Variants in TMEM120A observed in about 807,000 individuals in gnomAD.
TMEM120A encodes ion channel TACAN.
TMEM120A carries 45 observed loss-of-function variants against 54.3 expected under a neutral mutation model. The ratio of observed to expected loss-of-function variants is 0.83; its 90% CI spans 0.65 to 1.06. The LOEUF (loss-of-function observed/expected upper bound fraction) is 1.06. TMEM120A is among the 50% of genes least tolerant of loss of function. The pLI is 0.00. For missense variants in TMEM120A, 424 were observed against 441.7 expected (o/e 0.96, Z 0.36); for synonymous variants, 204 against 178.5 (o/e 1.14, Z -1.14).
At chr7:75,988,562 C>T (rs782039669) in intron 4 of TMEM120A, 46 bp from the exon 5 acceptor site, 3 of 1,376,668 alleles carry the variant, frequency 2.2e-6, no homozygotes, top group Non-Finnish European at 3.0e-6. Context: ...TGGTGGGGCC[C>T]ATGTGTGCCC....
At chr7:75,987,504 GA>G (rs1789571866) in intron 10 of TMEM120A, 33 bp downstream of exon 10, 25 of 1,419,180 alleles carry the variant, frequency 1.8e-5, no homozygotes, top group Middle Eastern at 1.8e-4. Context: ...AGGACGGACA[GA>G]CAGACAGGCA....
At chr7:75,989,320 C>A in intron 3 of TMEM120A, 96 bp from the exon 4 acceptor site, 2 of 819,092 alleles carry the variant, frequency 2.4e-6, no homozygotes, top group Non-Finnish European at 4.1e-6. Context: ...GGGCCACCAC[C>A]CCACCCCCTC....
chr7:75,988,327 G>A lies in TMEM120A; in HGVS notation c.488C>T (p.Ala163Val). The change falls in exon 6 of 12, where the codon GCC (alanine) becomes GTC (valine). Residue 163 changes from alanine (A) to valine (V), a missense_variant. Transcript: ENST00000493111. ...GTACCAGACCAGCAGGAAGTTGAAG[G>A]CAGCATCTGTCACCCTGCGGAGGGA... ...FLLNSRVTDA[A>V]FNFLLVWYYC... The A allele has an allele frequency of 1.2e-6, 2 of 1,611,408 alleles. No homozygotes were observed. Among genetic ancestry groups the A allele is most frequent in the Non-Finnish European group, 1.7e-6 (2 of 1,179,556 alleles).
In TMEM120A at chr7:75,987,982, G is replaced by A; in HGVS notation, c.632C>T (p.Pro211Leu). 2.5e-6 allele frequency: 4 copies of A among 1,600,250 alleles called. No homozygotes were observed. Among genetic ancestry groups the A allele is most frequent in the Non-Finnish European group, 3.4e-6 (4 of 1,173,998 alleles). Residue 211 changes from proline (P) to leucine (L), a missense_variant and splice_region_variant, in exon 8 of 12, where the codon CCC becomes CTC. Physicochemically the swap from Pro to Leu is moderately conservative, Grantham distance 98 (BLOSUM62 -3). Coordinates refer to ENST00000493111, the MANE Select transcript of TMEM120A (RefSeq NM_031925.3). ...TFLSGVMLTW[P>L]DGLMYQKFRN... The stretch of plus-strand genomic sequence containing the variant: ...GAATTTCTGGTACATGAGACCGTCG[G>A]GCCTAAGGTAAAAAGTGGAGGGCAG...
rs1390806870 is a variant in TMEM120A at position 75,987,441 on chromosome 7, G to A, written c.850-13C>T. ...AAAGCTGCCAGAACTAAGCAGGGAG[G>A]AGGCATTTTACTCAGAAGACCCAGT... On this transcript the variant is annotated splice_polypyrimidine_tract_variant and intron_variant, in intron 10 of 11. Transcript: ENST00000493111. The A allele has an allele frequency of 5.1e-6, 8 of 1,559,636 alleles. No homozygotes were observed. The highest frequency in any genetic ancestry group is 6.9e-6 in the Non-Finnish European group (8 of 1,151,758).
intron 1 of TMEM120A, among the ~76,000 whole-genome samples, chr7:75,992,834 G>A (rs1041176697): frequency 1.4e-4 from 21 of 152,212 alleles, no homozygotes; most frequent in South Asian, 6.2e-4. Flanking sequence ...AGACAGTCTT[G>A]TTCTGTTGCC....
In TMEM120A at chr7:75,992,190, G is replaced by A; in HGVS notation, c.271C>T (p.Gln91Ter). 6.2e-7 allele frequency: 1 copy of A among 1,612,214 alleles called. No individual in the cohort carries two copies. Among genetic ancestry groups the A allele is most frequent in the East Asian group, 2.2e-5 (1 of 44,854 alleles). Residue 91 changes from glutamine to a stop codon, truncating the protein, a stop_gained, in exon 3 of 12, where the codon CAA (glutamine) becomes TAA (stop). Transcript: ENST00000493111. LOFTEE classifies it high-confidence loss of function. ...QELENQMKERQGLFFDMEAYL... is the reference protein window; with the variant it reads ...QELENQMKER ...GCCTCCATGTCAAAGAAGAGGCCTT[G>A]GCGCTCTTTCATCTGGTTCTCCAGC...
Position 75,992,522 on chromosome 7 carries a change from C to T in TMEM120A, c.117G>A (p.Glu39=). Residue 39 remains glutamate (E), a synonymous_variant, in exon 2 of 12, where the codon GAG becomes GAA. Coordinates refer to ENST00000493111, the MANE Select transcript of TMEM120A (RefSeq NM_031925.3). ...TGCAATTGTTCTGAAGTTTGGTCAG[C>T]TCCTCCAGCTTCAGGCGGTAGAGCC... The part of the protein sequence containing the change: ...THRLYRLKLE[E]LTKLQNNCTS... The T allele has an allele frequency of 6.3e-7, 1 of 1,588,830 alleles. No individual in the cohort carries two copies. The highest frequency in any genetic ancestry group is 8.6e-7 in the Non-Finnish European group (1 of 1,168,196).
At chr7:75,991,693 C>T (rs1242343945) in intron 3 of TMEM120A, among the ~76,000 whole-genome samples, 3 of 152,156 alleles carry the variant, frequency 2.0e-5, no homozygotes, top group Non-Finnish European at 2.9e-5. Flanking sequence ...CATGAGCCAC[C>T]GCGCCCAGCC....
In TMEM120A at chr7:75,987,804, A is replaced by C; in HGVS notation, c.698T>G (p.Val233Gly). 18 of 1,611,902 alleles carry C rather than the reference A, an allele frequency of 1.1e-5. No individual in the cohort carries two copies. Among genetic ancestry groups the C allele is most frequent in the Non-Finnish European group, 1.5e-5 (18 of 1,179,606 alleles). ...FLSFSMYQSFVQFLQYYYQSG... is the reference protein window; with the variant it reads ...FLSFSMYQSFGQFLQYYYQSG... ...CTGGTAGTAGTACTGGAGAAACTGC[A>C]CGAAGCCTGGGCCGGGCGGAGGACA... is the stretch of plus-strand genomic sequence containing the variant. Residue 233 changes from valine to glycine, a missense_variant, in exon 9 of 12, where the codon GTG (valine) becomes GGG (glycine). Transcript: ENST00000493111.
intron 3 of TMEM120A, among the ~76,000 whole-genome samples, chr7:75,990,313 A>G (rs1324623424): frequency 2.0e-5 from 3 of 152,016 alleles, no homozygotes; most frequent in East Asian, 1.9e-4. Context: ...GGGGAGCACT[A>G]TGCCAGGAGC....
At position 75,987,756 on chromosome 7, in the gene TMEM120A, C is replaced by T. The variant is rs201249328; in HGVS notation, c.746G>A (p.Arg249Gln). ...YYQSGCLYRL[R>Q]ALGERHTMDL... ...CATGGTGTGCCGCTCGCCCAGCGCCCGCAGGCGGTAGAGGCAGCCGCTCTG... is the reference window on the plus strand; with the variant it reads ...CATGGTGTGCCGCTCGCCCAGCGCCTGCAGGCGGTAGAGGCAGCCGCTCTG... The change falls in exon 9 of 12, where the codon CGG becomes CAG. Residue 249 changes from arginine to glutamine, a missense_variant. By Grantham distance (43) the Arg-to-Gln change is conservative. Transcript: ENST00000493111. The T allele has an allele frequency of 3.0e-4, 476 of 1,612,198 alleles. 11 individuals carry two copies. Among genetic ancestry groups the T allele is most frequent in the Non-Finnish European group, 2.9e-4 (338 of 1,179,788 alleles).
chr7:75,987,768 A>G lies in TMEM120A; in HGVS notation c.734T>C (p.Leu245Pro), dbSNP rs1554560304. 6.2e-7 allele frequency: 1 copy of G among 1,611,924 alleles called. No homozygotes were observed. The highest frequency in any genetic ancestry group is 1.3e-5 in the African/African-American group (1 of 74,942). Residue 245 changes from leucine (L) to proline (P), a missense_variant, in exon 9 of 12, where the codon CTC becomes CCC. Transcript: ENST00000493111. ...FLQYYYQSGC[L>P]YRLRALGERH... ...CTCGCCCAGCGCCCGCAGGCGGTAG[A>G]GGCAGCCGCTCTGGTAGTAGTACTG...
At chr7:75,991,183 C>A (rs553115048) in intron 3 of TMEM120A, among the ~76,000 whole-genome samples, 25 of 152,224 alleles carry the variant, frequency 1.6e-4, no homozygotes, top group African/African-American at 5.8e-4. Context: ...CTGCCCCATC[C>A]GTCCTCCTGG....
chr7:75,992,049 G>A, intron 3 of TMEM120A, 95 bp downstream of exon 3: 2 of 874,370 alleles, frequency 2.3e-6, no homozygotes, highest in South Asian at 1.7e-5. Context: ...ACTGGGCCCA[G>A]GGAACATTTG....
chr7:75,990,515 G>A (rs541367565), intron 3 of TMEM120A, among the ~76,000 whole-genome samples: 1 of 152,192 alleles, frequency 6.6e-6, no homozygotes, highest in South Asian at 2.1e-4. Context: ...ACAGGCAGTA[G>A]CTGCCCCTCA....
intron 1 of TMEM120A, 120 bp downstream of exon 1, chr7:75,994,370 G>T: frequency 3.5e-6 from 3 of 867,994 alleles, no homozygotes; most frequent in Non-Finnish European, 5.4e-6. Flanking sequence ...TGGCAGTGAC[G>T]CCAGGGCCCC....
intron 8 of TMEM120A, 30 bp downstream of exon 8, chr7:75,987,892 AG>A (rs781944577): frequency 1.3e-6 from 2 of 1,599,220 alleles, no homozygotes; most frequent in Non-Finnish European, 1.7e-6. Flanking sequence ...GGGTGCCTCC[AG>A]GGCTCAGCAC....
chr7:75,990,313 ATGCCAGGAGCACTG>A (rs1789787782), intron 3 of TMEM120A, among the ~76,000 whole-genome samples: 1 of 152,016 alleles, frequency 6.6e-6, no homozygotes, highest in South Asian at 2.1e-4. Context: ...GGGGAGCACT[ATGCCAGGAGCACTG>A]TGCCGGGAGC....
Sources: allele counts gnomAD v4.1 joint callset (sites outside exome capture counted in the v4.1 genomes callset), GRCh38; gene constraint gnomAD v4.1.1; transcripts MANE v1.5; gene names NCBI Gene and HGNC (gene_info 2026-07-23, HGNC 2026-07-21).